Variants in MAPDA observed in about 807,000 individuals in gnomAD.
The protein encoded by MAPDA is N6-Methyl-AMP deaminase.
At chr15:43,347,000 A>G in the MAPDA span, 2 of 1,608,366 alleles carry the variant, frequency 1.2e-6, no homozygotes, top group South Asian at 1.1e-5. Context: ...TCCTTATTTT[A>G]ACTTTTATCT....
chr15:43,330,929 G>A, the MAPDA span: 1 of 155,556 alleles, frequency 6.4e-6, no homozygotes, highest in Non-Finnish European at 1.4e-5. Flanking sequence ...GAGCCAAGAA[G>A]GGTCGGCACC....
the MAPDA span, among the ~76,000 whole-genome samples, chr15:43,338,014 A>G: frequency 6.6e-6 from 1 of 152,234 alleles, no homozygotes; most frequent in African/African-American, 2.4e-5. Context: ...ATAGCTAAGA[A>G]TATCCACCAC....
At chr15:43,335,846 G>C in the MAPDA span, 2 of 1,596,400 alleles carry the variant, frequency 1.3e-6, no homozygotes, top group Non-Finnish European at 1.7e-6. Flanking sequence ...GGGAGGTTGT[G>C]GACATACTCC....
At chr15:43,330,567 G>T in the MAPDA span, 4 of 1,456,836 alleles carry the variant, frequency 2.7e-6, no homozygotes, top group Non-Finnish European at 2.7e-6. Flanking sequence ...CACGGACCTC[G>T]GTAGGGGGAA....
the MAPDA span, among the ~76,000 whole-genome samples, chr15:43,347,526 C>G: frequency 6.6e-6 from 1 of 152,190 alleles, no homozygotes. Context: ...CAAAGAGGTC[C>G]AGTGCCCCTC....
chr15:43,350,632 C>T, the MAPDA span, among the ~76,000 whole-genome samples: 1 of 152,180 alleles, frequency 6.6e-6, no homozygotes, highest in Non-Finnish European at 1.5e-5. Context: ...TGATAATTCT[C>T]TGCTTTTTTC....
chr15:43,346,450 C>G, the MAPDA span, among the ~76,000 whole-genome samples: 1 of 152,190 alleles, frequency 6.6e-6, no homozygotes, highest in Non-Finnish European at 1.5e-5. Flanking sequence ...GGATGTTTAG[C>G]AGCATCCTTG....
At chr15:43,350,867 T>G in the MAPDA span, 1 of 1,243,094 alleles carries the variant, frequency 8.0e-7, no homozygotes, top group Non-Finnish European at 1.1e-6. Context: ...ATATTTCTCG[T>G]GTCTACTTGG....
the MAPDA span, chr15:43,336,701 A>G: frequency 2.0e-6 from 3 of 1,517,402 alleles, no homozygotes; most frequent in East Asian, 2.5e-5. Context: ...GACATGAAGG[A>G]ATTTTTAGAA....
the MAPDA span, chr15:43,347,022 C>G: frequency 6.2e-7 from 1 of 1,613,540 alleles, no homozygotes; most frequent in Admixed American, 1.7e-5. Context: ...TAAGGTAGGA[C>G]AAGCAAAAGA....
At chr15:43,334,023 A>G in the MAPDA span, among the ~76,000 whole-genome samples, 1 of 152,272 alleles carries the variant, frequency 6.6e-6, no homozygotes, top group Non-Finnish European at 1.5e-5. Context: ...CAAGGAACTT[A>G]CAGTCTGGTG....
the MAPDA span, chr15:43,351,054 G>T: frequency 1.9e-6 from 3 of 1,549,374 alleles, no homozygotes; most frequent in Non-Finnish European, 2.6e-6. Flanking sequence ...AAGGTGTTCC[G>T]TGTGAAGTAT....
chr15:43,351,161 T>C, the MAPDA span: 1 of 971,564 alleles, frequency 1.0e-6, no homozygotes. Flanking sequence ...GTAGAGGAGT[T>C]AGAAGGGACC....
At chr15:43,337,098 C>T in the MAPDA span, among the ~76,000 whole-genome samples, 2 of 146,888 alleles carry the variant, frequency 1.4e-5, no homozygotes, top group East Asian at 2.0e-4. Flanking sequence ...GAAACCCTGT[C>T]TCTACTAAAA....
the MAPDA span, chr15:43,345,889 T>TA: frequency 1.2e-6 from 2 of 1,614,092 alleles, no homozygotes; most frequent in Non-Finnish European, 1.7e-6. Flanking sequence ...GGTGGCCCTT[T>TA]AGTAGCCAAG....
At chr15:43,345,747 A>G in the MAPDA span, 1 of 1,343,760 alleles carries the variant, frequency 7.4e-7, no homozygotes, top group Non-Finnish European at 1.1e-6. Flanking sequence ...TACTTTTCCT[A>G]GTGAGATGTA....
At chr15:43,354,444 A>G in the MAPDA span, 1 of 152,238 alleles carries the variant, frequency 6.6e-6, no homozygotes, top group Admixed American at 6.5e-5. Flanking sequence ...AATGTTGCAG[A>G]ACAGATTTTA....
At chr15:43,344,328 A>G in the MAPDA span, among the ~76,000 whole-genome samples, 2 of 152,136 alleles carry the variant, frequency 1.3e-5, no homozygotes, top group African/African-American at 4.8e-5. Context: ...GATTTATACT[A>G]TTTTCTAACA....
At chr15:43,335,245 T>A in the MAPDA span, 1 of 1,543,896 alleles carries the variant, frequency 6.5e-7, no homozygotes, top group Non-Finnish European at 8.9e-7. Flanking sequence ...TTCATCAAAG[T>A]AAATTTTGGC....
Sources: allele counts gnomAD v4.1 joint callset (sites outside exome capture counted in the v4.1 genomes callset), GRCh38; gene constraint gnomAD v4.1.1; transcripts MANE v1.5; gene names NCBI Gene and HGNC (gene_info 2026-07-23, HGNC 2026-07-21).